CDK17: variants seen among roughly 807,000 people sequenced by gnomAD.
CDK17 encodes cyclin-dependent kinase 17.
CDK17 carries 24 observed loss-of-function variants against 77.6 expected under a neutral mutation model. The ratio of observed to expected loss-of-function variants is 0.31; its 90% CI spans 0.22 to 0.44. The LOEUF (loss-of-function observed/expected upper bound fraction) is 0.44, where lower values mean the gene tolerates loss of function less well. Among genes scored for constraint, CDK17 ranks in the 20% least tolerant of loss-of-function variants. CDK17 has a pLI of 1.00. For synonymous variants in CDK17, 203 were observed against 210.4 expected, an observed-to-expected ratio of 0.96 and a Z score of 0.30; for missense variants, 429 against 622.5, an observed-to-expected ratio of 0.69 and a Z score of 3.31.
chr12:96,297,748 T>C (rs1952429309), intron 7 of CDK17, 27 bp from the exon 8 acceptor site: 1 of 1,227,882 alleles, frequency 8.1e-7, no homozygotes, highest in Non-Finnish European at 1.2e-6. Flanking sequence ...GAAAATTGTT[T>C]AGTCTGTGGC....
rs140751147 is a variant in CDK17 at position 96,338,580 on chromosome 12, G to A, written c.-29-3715C>T. On this transcript the variant is annotated intron_variant, in intron 1 of 16. Transcript: ENST00000261211. ...TAATTTTTGTATTTTTAGTAGAGAT[G>A]GAGTTTTGCCATGTTGACCAGGCTG... 4.3e-3 allele frequency among the ~76,000 whole-genome samples: 658 copies of A among 151,950 alleles called. 5 individuals carry two copies. Among genetic ancestry groups the A allele is most frequent in the African/African-American group, 0.015 (616 of 41,462 alleles).
At chr12:96,286,517 T>A (rs1402363856) in intron 12 of CDK17, 147 bp downstream of exon 12, 15 of 569,342 alleles carry the variant, frequency 2.6e-5, no homozygotes, top group Non-Finnish European at 4.3e-5. Flanking sequence ...GGATCTATCT[T>A]CATAGTGTCC....
intron 1 of CDK17, among the ~76,000 whole-genome samples, chr12:96,399,597 A>C (rs1954226143): frequency 6.9e-6 from 1 of 144,364 alleles, no homozygotes; most frequent in South Asian, 2.3e-4. Flanking sequence ...CGCCGAGGGG[A>C]CCTTTGTGTC....
chr12:96,386,879 C>T (rs1953985195), intron 1 of CDK17: 1 of 202,002 alleles, frequency 5.0e-6, no homozygotes, highest in Admixed American at 5.5e-5. Flanking sequence ...TGTACTCTTC[C>T]TCTACCTCTT....
intron 1 of CDK17, among the ~76,000 whole-genome samples, chr12:96,345,496 C>T (rs1456144728): frequency 6.6e-6 from 1 of 152,158 alleles, no homozygotes; most frequent in African/African-American, 2.4e-5. Context: ...TCTGTTGTTT[C>T]TTGACATTTT....
At chr12:96,321,838 T>C (rs1167401809) in intron 3 of CDK17, among the ~76,000 whole-genome samples, 20 of 123,242 alleles carry the variant, frequency 1.6e-4, no homozygotes, top group South Asian at 3.2e-4. Context: ...AGGGATAGCA[T>C]TGGGAGATAT....
intron 1 of CDK17, among the ~76,000 whole-genome samples, chr12:96,383,932 G>C (rs969814865): frequency 6.6e-6 from 1 of 152,132 alleles, no homozygotes; most frequent in Non-Finnish European, 1.5e-5. Context: ...AAACTAAAGA[G>C]CTTCTGCATG....
intron 14 of CDK17, among the ~76,000 whole-genome samples, 172 bp from the exon 15 acceptor site, chr12:96,282,771 G>A (rs1421866553): frequency 6.6e-6 from 1 of 152,120 alleles, no homozygotes; most frequent in Non-Finnish European, 1.5e-5. Context: ...AATTTGAGTC[G>A]CTGCTGAGAT....
intron 1 of CDK17, among the ~76,000 whole-genome samples, chr12:96,358,472 ATATAT>A (rs538154878): frequency 7.3e-4 from 111 of 152,072 alleles, no homozygotes; most frequent in Middle Eastern, 3.4e-3. Context: ...AAATGTATAC[ATATAT>A]TTATTTACCT....
chr12:96,313,925 A>G (rs1952675377), intron 3 of CDK17, among the ~76,000 whole-genome samples: 1 of 152,202 alleles, frequency 6.6e-6, no homozygotes, highest in Non-Finnish European at 1.5e-5. Context: ...AATTCTTGGA[A>G]TATTCTTTAA....
intron 1 of CDK17, among the ~76,000 whole-genome samples, chr12:96,384,978 C>T (rs1271090975): frequency 6.7e-6 from 1 of 149,244 alleles, no homozygotes; most frequent in Non-Finnish European, 1.5e-5. Flanking sequence ...CCACTGCCTT[C>T]CAGTCAGGGT....
At chr12:96,340,335 G>A (rs966408100) in intron 1 of CDK17, among the ~76,000 whole-genome samples, 1 of 151,962 alleles carries the variant, frequency 6.6e-6, no homozygotes, top group Non-Finnish European at 1.5e-5. Flanking sequence ...ATTCTGTCAG[G>A]AGTAAGAAAG....
intron 5 of CDK17, among the ~76,000 whole-genome samples, chr12:96,305,889 T>C (rs1356953837): frequency 6.6e-6 from 1 of 152,080 alleles, no homozygotes; most frequent in Non-Finnish European, 1.5e-5. Flanking sequence ...CTGGCTAGTT[T>C]TGTTAATTTT....
intron 1 of CDK17, among the ~76,000 whole-genome samples, chr12:96,346,789 C>T (rs1167199705): frequency 6.6e-6 from 1 of 151,906 alleles, no homozygotes; most frequent in East Asian, 1.9e-4. Context: ...GTGGCAGGTG[C>T]CTGTAGTCCC....
chr12:96,371,627 G>A (rs1244613222), intron 1 of CDK17, among the ~76,000 whole-genome samples: 1 of 152,096 alleles, frequency 6.6e-6, no homozygotes, highest in African/African-American at 2.4e-5. Flanking sequence ...AGCTACTCAG[G>A]AGGCTGAGGC....
rs150365778 is a variant in CDK17, at chr12:96,292,520, G to A, written c.997+2479C>T. 4.3e-3 allele frequency among the ~76,000 whole-genome samples: 651 copies of A among 152,142 alleles called. 14 individuals carry two copies. The highest frequency in any genetic ancestry group is 0.014 in the African/African-American group (595 of 41,492). ...TTTGGGAGGCTGAGGCACCAGAATC[G>A]CTTGAACCCAGAAGGCGAAGGTTGT... is the stretch of plus-strand genomic sequence containing the variant. On this transcript the variant is annotated intron_variant, in intron 10 of 16. Coordinates refer to ENST00000261211, the MANE Select transcript of CDK17 (RefSeq NM_002595.5).
chr12:96,393,065 T>G (rs535701622), intron 1 of CDK17, among the ~76,000 whole-genome samples: 1 of 152,182 alleles, frequency 6.6e-6, no homozygotes, highest in African/African-American at 2.4e-5. Flanking sequence ...AAAGGACCAC[T>G]TCTTAAAACC....
chr12:96,391,534 G>T (rs1954068175), intron 1 of CDK17, among the ~76,000 whole-genome samples: 1 of 152,038 alleles, frequency 6.6e-6, no homozygotes, highest in Non-Finnish European at 1.5e-5. Flanking sequence ...CAAGTGATCT[G>T]ACCGCCTTGG....
chr12:96,382,878 T>C (rs1339462536), intron 1 of CDK17, among the ~76,000 whole-genome samples: 1 of 152,018 alleles, frequency 6.6e-6, no homozygotes, highest in Admixed American at 6.6e-5. Context: ...ATGCCCACTC[T>C]CACCACTCCT....
Sources: allele counts gnomAD v4.1 joint callset (sites outside exome capture counted in the v4.1 genomes callset), GRCh38; gene constraint gnomAD v4.1.1; transcripts MANE v1.5; gene names NCBI Gene and HGNC (gene_info 2026-07-23, HGNC 2026-07-21).